AKR1C2: variants seen among roughly 807,000 people sequenced by gnomAD.
AKR1C2 encodes the protein aldo-keto reductase family 1 member C2, also known as 3-alpha-HSD3.
AKR1C2 carries 27 observed loss-of-function variants against 39.8 expected under a neutral mutation model. The observed-to-expected ratio is 0.68, with a 90% CI of 0.50 to 0.93. The LOEUF is 0.93. Among genes scored for constraint, AKR1C2 ranks in the 40% least tolerant of loss-of-function variants. The pLI, the probability that AKR1C2 is intolerant of heterozygous loss-of-function variation, is 0.00. For missense variants in AKR1C2, 263 were observed against 365.1 expected, an observed-to-expected ratio of 0.72 and a Z score of 2.28; for synonymous variants, 114 against 137.9, an observed-to-expected ratio of 0.83 and a Z score of 1.22.
In AKR1C2 at chr10:4,998,883, A is replaced by C. The variant is rs1837158467; in HGVS notation, c.448-136T>G. 40 of 1,425,048 alleles carry C rather than the reference A, an allele frequency of 2.8e-5. No individual in the cohort carries two copies. In the South Asian group the frequency reaches 5.0e-4, roughly 18 times the overall value. The allele number at this position is 1,425,048 out of a possible 1,614,324, so 88.3% of individuals were successfully genotyped here. Reference sequence around the variant, plus strand: ...CTAGCCGTGGTTCTTAAAAGGGAGAAAATAAAACAGAAAAATTGGGGAAGA... The same window carrying C: ...CTAGCCGTGGTTCTTAAAAGGGAGACAATAAAACAGAAAAATTGGGGAAGA... On this transcript the variant is annotated intron_variant, in intron 4 of 8. Coordinates refer to ENST00000380753, the MANE Select transcript of AKR1C2 (RefSeq NM_001393392.1).
At chr10:4,998,234 T>TA (rs1247635378) in intron 5 of AKR1C2, among the ~76,000 whole-genome samples, 1 of 150,742 alleles carries the variant, frequency 6.6e-6, no homozygotes, top group Non-Finnish European at 1.5e-5. Flanking sequence ...ACTCTCTCCT[T>TA]ATGTACTGTT....
chr10:5,014,206 C>A (rs1477966110), intron 1 of AKR1C2, among the ~76,000 whole-genome samples: 3 of 141,710 alleles, frequency 2.1e-5, no homozygotes, highest in Non-Finnish European at 4.6e-5. Flanking sequence ...GTTTTAGTTT[C>A]TGCTTTTAAT....
chr10:5,014,850 A>G (rs782098100), intron 1 of AKR1C2: 1 of 152,226 alleles, frequency 6.6e-6, no homozygotes. Flanking sequence ...CTCTGTGTGC[A>G]TGGGCTATCA....
At chr10:5,011,039 CAAAA>C (rs35486838) in intron 1 of AKR1C2, among the ~76,000 whole-genome samples, 1 of 140,520 alleles carries the variant, frequency 7.1e-6, no homozygotes, top group East Asian at 2.0e-4. Context: ...TTCTGTAAAG[CAAAA>C]AAAAAAAAAA....
chr10:4,996,571 A>G (rs1837055373), intron 5 of AKR1C2, among the ~76,000 whole-genome samples: 1 of 144,736 alleles, frequency 6.9e-6, no homozygotes, highest in Non-Finnish European at 1.5e-5. Context: ...TGCTGAGTAG[A>G]TGTGAGCATT....
intron 5 of AKR1C2, 142 bp downstream of exon 5, chr10:4,998,483 C>T: frequency 6.7e-7 from 1 of 1,483,440 alleles, no homozygotes; most frequent in East Asian, 2.3e-5. Context: ...TAAGAGGACT[C>T]CATGCCCTTC....
At chr10:4,999,819 C>G (rs1158008906) in intron 3 of AKR1C2, 1 of 648,892 alleles carries the variant, frequency 1.5e-6, no homozygotes, top group Non-Finnish European at 1.9e-6. Context: ...ATGCCACCAA[C>G]GAAAAAGGTT....
rs200908381 is a variant in AKR1C2, at chr10:4,998,702, C to T, written c.493G>A (p.Val165Met). The change falls in exon 5 of 9, where the codon GTG becomes ATG. Residue 165 changes from valine to methionine, a missense_variant. Val to Met is a conservative substitution (Grantham distance 21). Around this residue, in one of 3 missense-constraint regions of AKR1C2, gnomAD observed 247 missense variants for 267.9 expected, o/e 0.92. Coordinates refer to ENST00000380753, the MANE Select transcript of AKR1C2 (RefSeq NM_001393392.1). ...AGCAGCCTGTGGTTGAAGTTGGACA[C>T]CCCGATGGACTTGGCCAATCCTGCA... ...KDAGLAKSIGVSNFNHRLLEM... is the reference protein window; with the variant it reads ...KDAGLAKSIGMSNFNHRLLEM... 2.8e-5 allele frequency: 45 copies of T among 1,614,152 alleles called. No homozygotes were observed. The East Asian group carries it at 6.0e-4, about 22-fold the overall frequency.
intron 1 of AKR1C2, among the ~76,000 whole-genome samples, chr10:5,014,728 C>CA (rs1346894145): frequency 1.3e-5 from 2 of 152,308 alleles, no homozygotes; most frequent in East Asian, 3.9e-4. Flanking sequence ...GTGCTGATGG[C>CA]ATGGACAATG....
At chr10:5,010,971 C>CTA (rs1837511089) in intron 1 of AKR1C2, among the ~76,000 whole-genome samples, 1 of 146,078 alleles carries the variant, frequency 6.8e-6, no homozygotes, top group African/African-American at 2.5e-5. Flanking sequence ...ACTAAGATTT[C>CTA]AAAAACACAA....
intron 1 of AKR1C2, chr10:5,015,754 G>T (rs1463617799): frequency 6.6e-6 from 1 of 152,210 alleles, no homozygotes; most frequent in African/African-American, 2.4e-5. Flanking sequence ...TTGTGTATTA[G>T]TCCATTCTCA....
chr10:5,003,785 A>G lies in AKR1C2; in HGVS notation c.51T>C (p.Pro17=). Residue 17 remains proline (P), a synonymous_variant, in exon 1 of 9, where the codon CCT becomes CCC. Coordinates refer to ENST00000380753, the MANE Select transcript of AKR1C2 (RefSeq NM_001393392.1). ...CVKLNDGHFM[P]VLGFGTYAPA... ...GCGCATAGGTGCCAAATCCCAGGACAGGCATGAAGTGACCATCATTCAGCT... is the reference window on the plus strand; with the variant it reads ...GCGCATAGGTGCCAAATCCCAGGACGGGCATGAAGTGACCATCATTCAGCT... The G allele has an allele frequency of 1.2e-6, 2 of 1,614,042 alleles. No individual in the cohort carries two copies. The highest frequency in any genetic ancestry group is 1.7e-5 in the Admixed American group (1 of 59,994).
intron 5 of AKR1C2, among the ~76,000 whole-genome samples, chr10:4,996,395 T>C (rs768977894): frequency 2.0e-5 from 3 of 150,936 alleles, no homozygotes; most frequent in Non-Finnish European, 3.0e-5. Flanking sequence ...TTTCACAGTC[T>C]TTCATTACTT....
intron 1 of AKR1C2, among the ~76,000 whole-genome samples, chr10:5,016,220 TCTTAA>T (rs1234788419): frequency 2.0e-5 from 3 of 152,108 alleles, no homozygotes; most frequent in Non-Finnish European, 4.4e-5. Flanking sequence ...TCCCCCAAAG[TCTTAA>T]CTTATTTCAG....
intron 1 of AKR1C2, chr10:5,015,017 C>A (rs1225722146): frequency 3.3e-5 from 5 of 152,228 alleles, no homozygotes; most frequent in African/African-American, 9.6e-5. Context: ...ATAGCCTAGA[C>A]AGCATTCCTC....
At chr10:5,017,008 A>C (rs1837655810) in intron 1 of AKR1C2, among the ~76,000 whole-genome samples, 1 of 152,208 alleles carries the variant, frequency 6.6e-6, no homozygotes, top group Admixed American at 6.5e-5. Context: ...GCTGGTATGC[A>C]GGGTGCCATG....
At chr10:4,994,029 C>T (rs2131677205) in intron 7 of AKR1C2, among the ~76,000 whole-genome samples, 1 of 151,650 alleles carries the variant, frequency 6.6e-6, no homozygotes, top group East Asian at 1.9e-4. Context: ...CTCTGTATCA[C>T]TATTTCAGAG....
At chr10:5,000,336 G>C in intron 3 of AKR1C2, 1 of 1,530,172 alleles carries the variant, frequency 6.5e-7, no homozygotes, top group Non-Finnish European at 8.8e-7. Flanking sequence ...TGAGGATTCT[G>C]CACTCTCTTT....
At chr10:5,012,510 A>AAC in intron 1 of AKR1C2, among the ~76,000 whole-genome samples, 1 of 147,674 alleles carries the variant, frequency 6.8e-6, no homozygotes, top group African/African-American at 2.6e-5. Context: ...ACCCATAGGG[A>AAC]AGAGATCCTA....
Sources: allele counts gnomAD v4.1 joint callset (sites outside exome capture counted in the v4.1 genomes callset), GRCh38; gene constraint gnomAD v4.1.1; regional missense constraint gnomAD v4.1.1; transcripts MANE v1.5; gene names NCBI Gene and HGNC (gene_info 2026-07-23, HGNC 2026-07-21).